LVRN: variants seen among roughly 807,000 people sequenced by gnomAD.
LVRN encodes laeverin.
LVRN carries 99 observed loss-of-function variants against 111.4 expected under a neutral mutation model. The observed-to-expected ratio is 0.89, with a 90% confidence interval of 0.76 to 1.05. The LOEUF is 1.05. Ranked by LOEUF, LVRN falls within the 50% of genes least tolerant of loss-of-function variation. The pLI is 0.00. For synonymous variants in LVRN, 488 were observed against 449.5 expected (o/e 1.09, Z -1.08); for missense variants, 1,414 against 1,206.8 (o/e 1.17, Z -2.54).
In LVRN at chr5:115,993,764, G is replaced by T. The variant is rs774576393; in HGVS notation, c.1284G>T (p.Met428Ile). The part of the protein sequence containing the change: ...GHQWFGNLVT[M>I]NWWNNIWLNE... ...AGTGGTTTGGAAACTTGGTTACCAT[G>T]AATTGGTGGAACAATATCTGGCTCA... The change falls in exon 6 of 20, where the codon ATG (methionine) becomes ATT (isoleucine). Residue 428 changes from methionine (M) to isoleucine (I), a missense_variant. Physicochemically the swap from Met to Ile is conservative, Grantham distance 10. Transcript: ENST00000357872. The T allele has an allele frequency of 6.2e-7, 1 of 1,606,904 alleles. No homozygotes were observed. Among genetic ancestry groups the T allele is most frequent in the South Asian group, 1.1e-5 (1 of 88,460 alleles).
At chr5:116,025,105 C>T (rs1013117698) in intron 19 of LVRN, among the ~76,000 whole-genome samples, 2 of 152,164 alleles carry the variant, frequency 1.3e-5, no homozygotes, top group East Asian at 1.9e-4. Context: ...GCACACTATC[C>T]GTGATGTGGA....
At chr5:116,019,367 A>G (rs961127884) in intron 18 of LVRN, among the ~76,000 whole-genome samples, 3 of 152,190 alleles carry the variant, frequency 2.0e-5, no homozygotes, top group African/African-American at 7.2e-5. Context: ...AAACATTGTT[A>G]TGTGGCTCAT....
intron 10 of LVRN, among the ~76,000 whole-genome samples, chr5:116,001,645 G>A (rs1013823818): frequency 1.3e-5 from 2 of 152,116 alleles, no homozygotes; most frequent in African/African-American, 4.8e-5. Flanking sequence ...GAAACTGAAT[G>A]GTAACTATTT....
At chr5:115,998,251 TC>T (rs10707862) in intron 6 of LVRN, among the ~76,000 whole-genome samples, 69,606 of 151,858 alleles carry the variant, frequency 0.46, 16,144 homozygotes, top group South Asian at 0.52. Context: ...AAGAAAATCA[TC>T]TGTGGTTTGA....
intron 19 of LVRN, among the ~76,000 whole-genome samples, chr5:116,025,085 C>A (rs1386142375): frequency 6.6e-6 from 1 of 152,180 alleles, no homozygotes; most frequent in Non-Finnish European, 1.5e-5. Flanking sequence ...CTACAGGAGC[C>A]CAATCCTGGG....
chr5:116,005,819 G>C (rs558817201), intron 12 of LVRN, 93 bp from the exon 13 acceptor site: 1 of 1,017,574 alleles, frequency 9.8e-7, no homozygotes, highest in South Asian at 1.3e-5. Flanking sequence ...GTGCTTTATA[G>C]GCAGCAGTAA....
At chr5:116,011,559 G>A (rs1748490132) in intron 14 of LVRN, among the ~76,000 whole-genome samples, 2 of 152,134 alleles carry the variant, frequency 1.3e-5, no homozygotes, top group Admixed American at 6.6e-5. Context: ...AAACCAAAAA[G>A]TATGTTAGGT....
intron 3 of LVRN, among the ~76,000 whole-genome samples, chr5:115,985,803 A>G (rs565803104): frequency 6.6e-6 from 1 of 152,344 alleles, no homozygotes; most frequent in Admixed American, 6.5e-5. Flanking sequence ...GCAGTGCTTT[A>G]TATGCTTGTT....
chr5:116,017,266 G>T (rs917173988), intron 18 of LVRN, among the ~76,000 whole-genome samples: 11 of 152,210 alleles, frequency 7.2e-5, no homozygotes, highest in African/African-American at 2.7e-4. Flanking sequence ...GTAAGTTGAG[G>T]CTCAGAGAGA....
intron 14 of LVRN, among the ~76,000 whole-genome samples, chr5:116,012,106 A>G (rs1313358193): frequency 1.3e-5 from 2 of 152,186 alleles, no homozygotes; most frequent in Admixed American, 1.3e-4. Flanking sequence ...GTGCCAGGCA[A>G]TGTGCTTGCA....
chr5:115,962,796 C>A lies in LVRN; in HGVS notation c.179C>A (p.Pro60His), dbSNP rs750564176. The change falls in exon 1 of 20, where the codon CCT (proline) becomes CAT (histidine). Residue 60 changes from proline to histidine, a missense_variant. Transcript: ENST00000357872. The stretch of plus-strand genomic sequence containing the variant: ...AGGGACTTGGAAGCCGAGTCTTCCC[C>A]TCCCCTCAGGCAGAAGCCGACGCCA... Reference protein sequence around the residue: ...GLRDLEAESSPPLRQKPTPTP... With the variant: ...GLRDLEAESSHPLRQKPTPTP... 4 of 1,611,154 alleles carry A rather than the reference C, an allele frequency of 2.5e-6. No individual in the cohort carries two copies. In the East Asian group the frequency reaches 6.7e-5, roughly 27 times the overall value.
At chr5:115,982,740 C>A (rs146803300) in intron 1 of LVRN, among the ~76,000 whole-genome samples, 278 of 152,200 alleles carry the variant, frequency 1.8e-3, no homozygotes, top group African/African-American at 6.5e-3. Context: ...GATACCTTTA[C>A]CCATATATAA....
rs1301163979 is a variant in LVRN, at chr5:115,963,088, G to A, written c.471G>A (p.Glu157=). 1.2e-6 allele frequency: 2 copies of A among 1,613,520 alleles called. No homozygotes were observed. Among genetic ancestry groups the A allele is most frequent in the Non-Finnish European group, 1.7e-6 (2 of 1,179,980 alleles). The part of the protein sequence containing the change: ...HSLFQDCERA[E]VRGPLSPGTG... ...TCTTCCAGGACTGCGAGCGCGCCGA[G>A]GTGCGGGGACCCCTTTCCCCGGGCA... The change falls in exon 1 of 20, where the codon GAG becomes GAA. Residue 157 remains glutamate (E), a synonymous_variant. Transcript: ENST00000357872.
intron 1 of LVRN, 117 bp from the exon 2 acceptor site, chr5:115,983,170 G>A (rs918884693): frequency 2.7e-6 from 3 of 1,130,786 alleles, no homozygotes; most frequent in East Asian, 5.2e-5. Context: ...TGAGGAAGAT[G>A]AGAGGAAATT....
chr5:115,978,073 C>G (rs988536694), intron 1 of LVRN, among the ~76,000 whole-genome samples: 45 of 152,224 alleles, frequency 3.0e-4, no homozygotes, highest in African/African-American at 1.1e-3. Flanking sequence ...ACAGAGTGAA[C>G]AGAGAATAGA....
intron 5 of LVRN, among the ~76,000 whole-genome samples, chr5:115,992,565 T>C (rs1159736934): frequency 6.6e-6 from 1 of 152,174 alleles, no homozygotes; most frequent in Non-Finnish European, 1.5e-5. Flanking sequence ...AGTTAAACCA[T>C]GCAGACACAG....
chr5:116,024,696 T>G (rs1367244060), intron 19 of LVRN, among the ~76,000 whole-genome samples: 1 of 152,198 alleles, frequency 6.6e-6, no homozygotes, highest in Non-Finnish European at 1.5e-5. Context: ...GAGGTTCGTA[T>G]AAATTTAGCA....
At chr5:115,983,038 G>A (rs142759920) in intron 1 of LVRN, among the ~76,000 whole-genome samples, 4 of 152,184 alleles carry the variant, frequency 2.6e-5, no homozygotes, top group Admixed American at 6.5e-5. Flanking sequence ...AAAGGTTTAC[G>A]ATGTAATAAA....
chr5:116,002,418 A>T (rs78362760), intron 10 of LVRN, among the ~76,000 whole-genome samples: 120 of 152,306 alleles, frequency 7.9e-4, no homozygotes, highest in African/African-American at 2.8e-3. Context: ...TTGAGGCTGA[A>T]AGTATTTTGA....
Sources: allele counts gnomAD v4.1 joint callset (sites outside exome capture counted in the v4.1 genomes callset), GRCh38; gene constraint gnomAD v4.1.1; transcripts MANE v1.5; gene names NCBI Gene and HGNC (gene_info 2026-07-23, HGNC 2026-07-21).